KCNMB1: variants seen among roughly 807,000 people sequenced by gnomAD.
KCNMB1 encodes the protein calcium-activated potassium channel subunit beta-1.
KCNMB1 carries 22 observed loss-of-function variants against 21.7 expected under a neutral mutation model. The ratio of observed to expected loss-of-function variants is 1.01; its 90% CI spans 0.72 to 1.45. The LOEUF (loss-of-function observed/expected upper bound fraction) is 1.45, where lower values mean the gene tolerates loss of function less well. KCNMB1 is among the 40% of genes most tolerant of loss of function. The probability of loss-of-function intolerance (pLI) is 0.00; values close to 1 mark genes in which losing one functional copy is unlikely to be tolerated. For synonymous variants in KCNMB1, 114 were observed against 107.6 expected, an observed-to-expected ratio of 1.06 and a Z score of -0.37; for missense variants, 243 against 243.4, an observed-to-expected ratio of 1.00 and a Z score of 0.01.
chr5:170,386,804 G>A (rs774502060), intron 1 of KCNMB1, among the ~76,000 whole-genome samples: 3 of 152,036 alleles, frequency 2.0e-5, no homozygotes, highest in Non-Finnish European at 2.9e-5. Flanking sequence ...CTGGGACAAA[G>A]CAGAATGGGC....
chr5:170,383,658 C>G, intron 3 of KCNMB1, 21 bp downstream of exon 3: 1 of 1,613,498 alleles, frequency 6.2e-7, no homozygotes, highest in South Asian at 1.1e-5. Flanking sequence ...GGGATGTGTC[C>G]CCATCCCTCC....
chr5:170,386,897 C>T (rs1355254852), intron 1 of KCNMB1, among the ~76,000 whole-genome samples: 1 of 151,944 alleles, frequency 6.6e-6, no homozygotes, highest in Non-Finnish European at 1.5e-5. Context: ...TTGACTCCAC[C>T]CCAATGCAAG....
chr5:170,385,955 T>TA (rs548199277), intron 1 of KCNMB1, among the ~76,000 whole-genome samples: 107 of 141,710 alleles, frequency 7.6e-4, no homozygotes, highest in South Asian at 7.2e-3. Flanking sequence ...CCATCTCTAC[T>TA]AAAAAAAAAA....
In KCNMB1 at chr5:170,383,683, T is replaced by A; in HGVS notation, c.302A>T (p.Gln101Leu). Residue 101 changes from glutamine to leucine, a missense_variant, in exon 3 of 4, where the codon CAG becomes CTG. Coordinates refer to ENST00000274629, the MANE Select transcript of KCNMB1 (RefSeq NM_004137.4). ...CCCATCCCTCCAGTTCAGTACCTGC[T>A]GGTTCTGGTCCCGAGTGTCCTCCGT... is the stretch of plus-strand genomic sequence containing the variant. Reference protein sequence around the residue: ...YHTEDTRDQNQQCSYIPGSVD... With the variant: ...YHTEDTRDQNLQCSYIPGSVD... 6.2e-7 allele frequency: 1 copy of A among 1,614,146 alleles called. No homozygotes were observed. Among genetic ancestry groups the A allele is most frequent in the Non-Finnish European group, 8.5e-7 (1 of 1,180,018 alleles).
In KCNMB1 at chr5:170,377,417, G is replaced by A. The variant is rs1764049311; in HGVS notation, c.*1287C>T. The A allele has an allele frequency of 6.6e-6, 1 of 152,164 alleles. No individual in the cohort carries two copies. Among genetic ancestry groups the A allele is most frequent in the Admixed American group, 6.5e-5 (1 of 15,270 alleles). 9.4% of individuals were successfully genotyped at this position (152,164 alleles called of 1,614,324 possible). ...GTTCTAGGAAAACTTCCTGGAGTGG[G>A]AATGGTAAAGGTGATGGCTTCTTCC... On this transcript the variant is annotated 3_prime_UTR_variant, in exon 4 of 4. Transcript: ENST00000274629.
Position 170,378,644 on chromosome 5 carries a change from C to T in KCNMB1, c.*60G>A. The T allele has an allele frequency of 6.5e-7, 1 of 1,527,452 alleles. No homozygotes were observed. The highest frequency in any genetic ancestry group is 8.8e-7 in the Non-Finnish European group (1 of 1,137,860). 94.6% of individuals were successfully genotyped at this position (1,527,452 alleles called of 1,614,324 possible). On this transcript the variant is annotated 3_prime_UTR_variant, in exon 4 of 4. Transcript: ENST00000274629. Reference sequence around the variant, plus strand: ...GCATTGTGCTGCAAGTGGGGAGCAGCCCTGGGGGCCCAGCCAGTCCCCTGT... The same window carrying T: ...GCATTGTGCTGCAAGTGGGGAGCAGTCCTGGGGGCCCAGCCAGTCCCCTGT...
intron 1 of KCNMB1, among the ~76,000 whole-genome samples, chr5:170,388,282 G>A (rs1253752311): frequency 6.6e-6 from 1 of 152,350 alleles, no homozygotes; most frequent in South Asian, 2.1e-4. Flanking sequence ...ATCCTCCTAA[G>A]ACCATGCGTG....
At chr5:170,388,905 A>G (rs1482205471) in intron 1 of KCNMB1, among the ~76,000 whole-genome samples, 1 of 152,210 alleles carries the variant, frequency 6.6e-6, no homozygotes, top group African/African-American at 2.4e-5. Flanking sequence ...GGAAACCCTG[A>G]AAGTTTGGAG....
At chr5:170,387,964 G>A (rs1764545525) in intron 1 of KCNMB1, among the ~76,000 whole-genome samples, 1 of 152,232 alleles carries the variant, frequency 6.6e-6, no homozygotes, top group Non-Finnish European at 1.5e-5. Flanking sequence ...TTCTCTCCTG[G>A]GGGAACTGGA....
chr5:170,382,695 G>C (rs1322843246), intron 3 of KCNMB1: 1 of 104,600 alleles, frequency 9.6e-6, no homozygotes, highest in African/African-American at 3.7e-5. Context: ...TTTCACTCTT[G>C]TTGCCAGGCT....
Position 170,375,188 on chromosome 5 carries a change from CT to C in KCNMB1, c.*3515del, listed in dbSNP as rs944648885. 57 of 152,336 alleles carry C rather than the reference CT, an allele frequency of 3.7e-4. No individual in the cohort carries two copies. The highest frequency in any genetic ancestry group is 1.2e-3 in the African/African-American group (49 of 41,574). The allele number at this position is 152,336 out of a possible 1,614,324, so 9.4% of individuals were successfully genotyped here. A position where few individuals can be genotyped will look rare whatever the true frequency, so the allele number is the denominator to read the frequency against. Reference sequence around the variant, plus strand: ...ATAATACAGAGACATTCCGTGCCCCCTCTACCTAATGTCCCCAATGGTAATA... The same window carrying C: ...ATAATACAGAGACATTCCGTGCCCCCCTACCTAATGTCCCCAATGGTAATA... On this transcript the variant is annotated 3_prime_UTR_variant, in exon 4 of 4. Coordinates refer to ENST00000274629, the MANE Select transcript of KCNMB1 (RefSeq NM_004137.4).
chr5:170,385,295 GGCC>G lies in KCNMB1; in HGVS notation c.134+16_134+18del. 6.2e-7 allele frequency: 1 copy of G among 1,613,964 alleles called. No homozygotes were observed. Among genetic ancestry groups the G allele is most frequent in the South Asian group, 1.1e-5 (1 of 91,072 alleles). On this transcript the variant is annotated intron_variant, in intron 2 of 3. Coordinates refer to ENST00000274629, the MANE Select transcript of KCNMB1 (RefSeq NM_004137.4). The stretch of plus-strand genomic sequence containing the variant: ...TTAGGAGAGGGTTGGGGGGTGGGCA[GGCC>G]GGGAGAGCTCAGTACCTTTTCTGGT...
chr5:170,383,542 G>T, intron 3 of KCNMB1, 137 bp downstream of exon 3: 1 of 912,522 alleles, frequency 1.1e-6, no homozygotes, highest in Non-Finnish European at 1.7e-6. Context: ...AGCTAGGGCT[G>T]GCTCAGTCTC....
rs1403466480 is a variant in KCNMB1, at chr5:170,374,886, A to T, written c.*3818T>A. On this transcript the variant is annotated 3_prime_UTR_variant, in exon 4 of 4. Transcript: ENST00000274629. ...TTGACAGGAGGAGAACATCTATCTC[A>T]AGCAAATGAAGGTCATCATTAATAA... 1 of 152,110 alleles carries T rather than the reference A, an allele frequency of 6.6e-6. No individual in the cohort carries two copies. The highest frequency in any genetic ancestry group is 1.5e-5 in the Non-Finnish European group (1 of 68,006). The allele number at this position is 152,110 out of a possible 1,614,324, so 9.4% of individuals were successfully genotyped here. A position where few individuals can be genotyped will look rare whatever the true frequency, so the allele number is the denominator to read the frequency against.
chr5:170,378,508 C>T lies in KCNMB1; in HGVS notation c.*196G>A, dbSNP rs926026793. ...TGGCCTCCAAGGCATTGGGGAGCCA[C>T]TGTACATTCTTGAGCAGGCAATGAC... On this transcript the variant is annotated 3_prime_UTR_variant, in exon 4 of 4. Transcript: ENST00000274629. 4.6e-6 allele frequency: 3 copies of T among 649,082 alleles called. No homozygotes were observed. In the African/African-American group the frequency reaches 5.4e-5, roughly 12 times the overall value. 40.2% of individuals were successfully genotyped at this position (649,082 alleles called of 1,614,324 possible).
rs529017293 is a variant in KCNMB1, at chr5:170,375,795, G to A, written c.*2909C>T. The A allele has an allele frequency of 7.2e-5, 11 of 152,322 alleles. No individual in the cohort carries two copies. Among genetic ancestry groups the A allele is most frequent in the African/African-American group, 2.4e-4 (10 of 41,564 alleles). The allele number at this position is 152,322 out of a possible 1,614,324, so 9.4% of individuals were successfully genotyped here. ...GCACTTACCATATGTCACTATCCTA[G>A]GAAATTTACATAAAAATTTGTTTCA... On this transcript the variant is annotated 3_prime_UTR_variant, in exon 4 of 4. Coordinates refer to ENST00000274629, the MANE Select transcript of KCNMB1 (RefSeq NM_004137.4).
Position 170,376,785 on chromosome 5 carries a change from G to C in KCNMB1, c.*1919C>G, listed in dbSNP as rs1019939926. The C allele has an allele frequency of 6.6e-6, 1 of 151,864 alleles. No individual in the cohort carries two copies. Among genetic ancestry groups the C allele is most frequent in the African/African-American group, 2.4e-5 (1 of 41,310 alleles). 9.4% of individuals were successfully genotyped at this position (151,864 alleles called of 1,614,324 possible). A position where few individuals can be genotyped will look rare whatever the true frequency, so the allele number is the denominator to read the frequency against. ...TAATGGGTACTAGACTTAATACCTG[G>C]GTGATGAAATAATCTGCACAACAAA... On this transcript the variant is annotated 3_prime_UTR_variant, in exon 4 of 4. Transcript: ENST00000274629.
intron 3 of KCNMB1, among the ~76,000 whole-genome samples, chr5:170,382,036 C>T (rs1406798382): frequency 6.6e-6 from 1 of 152,140 alleles, no homozygotes; most frequent in Non-Finnish European, 1.5e-5. Context: ...CCATCCCAGG[C>T]ACCCTGCCCC....
At position 170,378,869 on chromosome 5, in the gene KCNMB1, G is replaced by A. The variant is rs779701228; in HGVS notation, c.411C>T (p.Ser137=). The A allele has an allele frequency of 1.1e-5, 18 of 1,614,122 alleles. No individual in the cohort carries two copies. Among genetic ancestry groups the A allele is most frequent in the East Asian group, 1.1e-4 (5 of 44,894 alleles). ...CGCTGGTTTCGTTCCCCCGAGGTGC[G>A]GAGAAGCAGTAGAAGACCTGCTGCT... The part of the protein sequence containing the change: ...FQEQQVFYCF[S]APRGNETSVL... Residue 137 remains serine, a synonymous_variant, in exon 4 of 4, where the codon TCC becomes TCT. Transcript: ENST00000274629.
Sources: gnomAD v4.1 joint callset for allele counts (sites outside exome capture counted in the v4.1 genomes callset) on GRCh38, gnomAD v4.1.1 for gene constraint, MANE v1.5 for transcripts, NCBI Gene and HGNC (gene_info 2026-07-23, HGNC 2026-07-21) for gene names.